The following INPP5D variants were observed in gnomAD, a reference collection of about 807,000 sequenced individuals.
INPP5D encodes the protein phosphatidylinositol 3,4,5-trisphosphate 5-phosphatase 1.
INPP5D carries 33 observed loss-of-function variants against 122.9 expected under a neutral mutation model. That is an observed-to-expected ratio of 0.27 (90% CI 0.20 to 0.36). INPP5D has a LOEUF of 0.36. Ranked by LOEUF, INPP5D falls within the 10% of genes least tolerant of loss-of-function variation. The pLI is 1.00. For synonymous variants in INPP5D, 584 were observed against 576.2 expected, an observed-to-expected ratio of 1.01 and a Z score of -0.19; for missense variants, 1,053 against 1,412.7, an observed-to-expected ratio of 0.75 and a Z score of 4.08.
At position 233,130,582 on chromosome 2, in the gene INPP5D, A is replaced by G; in HGVS notation, c.599A>G (p.Lys200Arg). 6.2e-7 allele frequency: 1 copy of G among 1,614,018 alleles called. No individual in the cohort carries two copies. The highest frequency in any genetic ancestry group is 1.6e-4 in the Middle Eastern group (1 of 6,062). ...CTCGCCCAGGACTCTGAATTTGTGA[A>G]GACAGGGTCCAGCAGTCTTCCTCAC... The part of the protein sequence containing the change: ...TQLAQDSEFV[K>R]TGSSSLPHLK... Residue 200 changes from lysine (K) to arginine (R), a missense_variant, in exon 5 of 27, where the codon AAG becomes AGG. Lys to Arg is a conservative substitution (Grantham distance 26). Around this residue, in one of 6 missense-constraint regions of INPP5D, gnomAD observed 196 missense variants for 175.6 expected, o/e 1.12. Transcript: ENST00000445964.
intron 25 of INPP5D, among the ~76,000 whole-genome samples, chr2:233,200,401 G>C (rs927302373): frequency 6.6e-6 from 1 of 152,248 alleles, no homozygotes; most frequent in Non-Finnish European, 1.5e-5. Flanking sequence ...GTCTTCCCTT[G>C]AGGCTCTTTG....
At chr2:233,103,572 G>A (rs914719989) in intron 2 of INPP5D, among the ~76,000 whole-genome samples, 2 of 152,138 alleles carry the variant, frequency 1.3e-5, no homozygotes, top group Non-Finnish European at 2.9e-5. Context: ...TTAGAGGAAG[G>A]AACCTGAGAT....
At chr2:233,083,191 A>G (rs909837185) in intron 2 of INPP5D, among the ~76,000 whole-genome samples, 2 of 152,312 alleles carry the variant, frequency 1.3e-5, no homozygotes, top group East Asian at 3.9e-4. Context: ...GATCACACAC[A>G]TACCTCCCAG....
rs1444563056 is a variant in INPP5D, at chr2:233,143,894, T to G, written c.754-2268T>G. Among the ~76,000 whole-genome samples, 4 of 148,902 alleles carry G rather than the reference T, an allele frequency of 2.7e-5. No individual in the cohort carries two copies. In the East Asian group the frequency reaches 8.1e-4, roughly 30 times the overall value. On this transcript the variant is annotated intron_variant, in intron 6 of 26. Coordinates refer to ENST00000445964, the MANE Select transcript of INPP5D (RefSeq NM_001017915.3). Reference sequence around the variant, plus strand: ...ATAGGGGAGGAGATGGTGGTAGTGATGGTGGAGGTGGTCATGGTCAGGGTA... The same window carrying G: ...ATAGGGGAGGAGATGGTGGTAGTGAGGGTGGAGGTGGTCATGGTCAGGGTA...
At chr2:233,198,538 A>G (rs989604140) in intron 25 of INPP5D, among the ~76,000 whole-genome samples, 162 bp downstream of exon 25, 3 of 152,218 alleles carry the variant, frequency 2.0e-5, no homozygotes, top group Non-Finnish European at 4.4e-5. Context: ...CCTGACATGT[A>G]TGTGGAGTCT....
intron 2 of INPP5D, among the ~76,000 whole-genome samples, chr2:233,083,225 G>A (rs1691737398): frequency 6.6e-6 from 1 of 152,230 alleles, no homozygotes; most frequent in Non-Finnish European, 1.5e-5. Flanking sequence ...CTGGGGAGGA[G>A]GGTGGAGACA....
At chr2:233,195,206 T>C in intron 23 of INPP5D, among the ~76,000 whole-genome samples, 193 bp from the exon 24 acceptor site, 1 of 150,310 alleles carries the variant, frequency 6.7e-6, no homozygotes, top group South Asian at 2.1e-4. Flanking sequence ...CTCCTCTCTG[T>C]GGATCCACTG....
rs1384908166 is a variant in INPP5D at position 233,189,542 on chromosome 2, G to T, written c.2359-308G>T. 2.0e-5 allele frequency among the ~76,000 whole-genome samples: 3 copies of T among 152,170 alleles called. No homozygotes were observed. The highest frequency in any genetic ancestry group is 2.9e-5 in the Non-Finnish European group (2 of 68,012). Reference sequence around the variant, plus strand: ...ATGACCCTGGCCTAGGGATGGGAAGGAACGGGGGCAATGGATGGGGCCCAT... The same window carrying T: ...ATGACCCTGGCCTAGGGATGGGAAGTAACGGGGGCAATGGATGGGGCCCAT... On this transcript the variant is annotated intron_variant, in intron 21 of 26. Coordinates refer to ENST00000445964, the MANE Select transcript of INPP5D (RefSeq NM_001017915.3). This position sits in a 1 kb window ranked among gnomAD's most constrained non-coding sequence, Gnocchi z 5.6.
In INPP5D at chr2:233,160,796, G is replaced by A. The variant is rs1439611295; in HGVS notation, c.1138-928G>A. On this transcript the variant is annotated intron_variant, in intron 10 of 26. Coordinates refer to ENST00000445964, the MANE Select transcript of INPP5D (RefSeq NM_001017915.3). The surrounding 1 kb of genome is among the most constrained non-coding windows in gnomAD (Gnocchi z 4.2). ...ACTACAGGCATGCACCACCATGCCT[G>A]GCTAATTTTTTTATTTTTTGTAGAG... 6.6e-6 allele frequency among the ~76,000 whole-genome samples: 1 copy of A among 152,004 alleles called. No homozygotes were observed. The highest frequency in any genetic ancestry group is 2.4e-5 in the African/African-American group (1 of 41,380).
At chr2:233,094,840 G>A (rs1209656415) in intron 2 of INPP5D, among the ~76,000 whole-genome samples, 1 of 152,164 alleles carries the variant, frequency 6.6e-6, no homozygotes, top group Non-Finnish European at 1.5e-5. Flanking sequence ...TGCAAATGCC[G>A]ACAAATGCTC....
intron 17 of INPP5D, among the ~76,000 whole-genome samples, chr2:233,175,926 C>G (rs1694613037): frequency 6.6e-6 from 1 of 152,200 alleles, no homozygotes; most frequent in South Asian, 2.1e-4. Context: ...AGGTGATCCA[C>G]CCGCCTTGGC....
intron 2 of INPP5D, among the ~76,000 whole-genome samples, chr2:233,120,272 T>C (rs1441287771): frequency 6.6e-6 from 1 of 152,042 alleles, no homozygotes; most frequent in African/African-American, 2.4e-5. Context: ...TCACCTGAGG[T>C]CAGGATTTCG....
chr2:233,089,993 G>A (rs188157113), intron 2 of INPP5D, among the ~76,000 whole-genome samples: 50 of 152,216 alleles, frequency 3.3e-4, no homozygotes, highest in African/African-American at 9.9e-4. Flanking sequence ...CAATCCCCCC[G>A]CCCAGCGTCC....
At chr2:233,125,687 G>A (rs1693135291) in intron 3 of INPP5D, 58 bp from the exon 4 acceptor site, 1 of 1,515,066 alleles carries the variant, frequency 6.6e-7, no homozygotes, top group Non-Finnish European at 8.9e-7. Context: ...GGGCTGCGGT[G>A]AAGGCCGGGT....
In INPP5D at chr2:233,128,615, C is replaced by T. The variant is rs185809180; in HGVS notation, c.525-1893C>T. Among the ~76,000 whole-genome samples the T allele has an allele frequency of 7.1e-4, 108 of 152,224 alleles. 1 individual carries two copies. Among genetic ancestry groups the T allele is most frequent in the Non-Finnish European group, 2.4e-4 (16 of 67,986 alleles). The stretch of plus-strand genomic sequence containing the variant: ...GCCTCAGCCTCCTGAGTAGCTGGGA[C>T]TACAAACGCACGCCACCACGCCCAG... On this transcript the variant is annotated intron_variant, in intron 4 of 26. Coordinates refer to ENST00000445964, the MANE Select transcript of INPP5D (RefSeq NM_001017915.3). This position sits in a 1 kb window ranked among gnomAD's most constrained non-coding sequence, Gnocchi z 4.5.
At position 233,193,813 on chromosome 2, in the gene INPP5D, C is replaced by T. The variant is rs114395116; in HGVS notation, c.2448C>T (p.Gly816=). 330 of 1,613,910 alleles carry T rather than the reference C, an allele frequency of 2.0e-4. No individual in the cohort carries two copies. In the African/African-American group the frequency reaches 3.9e-3, roughly 19 times the overall value. The change falls in exon 23 of 27, where the codon GGC becomes GGT. Residue 816 remains glycine, a splice_region_variant and synonymous_variant. Transcript: ENST00000445964. ...AGCTGTCTCCCACTTTCCCTGCAGG[C>T]GAGGGCTGCATTGCCCTTCGGTTAG... ...IKSSDSDESY[G]EGCIALRLEA...
At chr2:233,081,668 G>A (rs1691692724) in intron 2 of INPP5D, among the ~76,000 whole-genome samples, 1 of 152,162 alleles carries the variant, frequency 6.6e-6, no homozygotes, top group South Asian at 2.1e-4. Context: ...AACTCGCCTT[G>A]GCTGACTCTG....
intron 1 of INPP5D, among the ~76,000 whole-genome samples, chr2:233,062,402 C>T (rs1278816623): frequency 6.6e-6 from 1 of 152,216 alleles, no homozygotes; most frequent in African/African-American, 2.4e-5. Context: ...AGCTCTGGTG[C>T]AACAGCCCTG....
intron 20 of INPP5D, among the ~76,000 whole-genome samples, chr2:233,185,309 T>C (rs1169942123): frequency 6.6e-6 from 1 of 152,200 alleles, no homozygotes; most frequent in African/African-American, 2.4e-5. Context: ...GGCCCAGGCC[T>C]GGTGCTAGAG....
Sources: gnomAD v4.1 joint callset for allele counts (sites outside exome capture counted in the v4.1 genomes callset) on GRCh38, gnomAD v4.1.1 for gene constraint, gnomAD v4.1.1 regional missense constraint, Gnocchi (gnomAD v3.1) non-coding constraint, MANE v1.5 for transcripts, NCBI Gene and HGNC (gene_info 2026-07-23, HGNC 2026-07-21) for gene names.